The following ABHD18 variants were observed in gnomAD, a reference collection of about 807,000 sequenced individuals.
ABHD18 encodes abhydrolase domain containing 18.
In ABHD18, 55 loss-of-function variants were observed where a neutral mutation model predicts 65.9. The observed-to-expected ratio is 0.84, with a 90% CI of 0.67 to 1.05. ABHD18 has a LOEUF of 1.05. ABHD18 is among the 50% of genes least tolerant of loss of function. ABHD18 has a pLI of 0.00. For synonymous variants in ABHD18, 181 were observed against 180.2 expected (o/e 1.00, Z -0.04); for missense variants, 533 against 558.5 (o/e 0.95, Z 0.46).
chr4:127,985,610 TA>T (rs1042590554), intron 3 of ABHD18, among the ~76,000 whole-genome samples: 3 of 151,380 alleles, frequency 2.0e-5, no homozygotes, highest in Non-Finnish European at 4.4e-5. Context: ...CATACCAAGT[TA>T]AAAAAAAATC....
chr4:127,993,198 G>T (rs1025972437), intron 4 of ABHD18, among the ~76,000 whole-genome samples: 1 of 152,138 alleles, frequency 6.6e-6, no homozygotes, highest in Admixed American at 6.5e-5. Flanking sequence ...CTGGAACTAT[G>T]TGTCCCTTTC....
Position 127,986,280 on chromosome 4 carries a change from T to G in ABHD18, c.177+1857T>G, listed in dbSNP as rs1749939368. Among the ~76,000 whole-genome samples, 7 of 152,348 alleles carry G rather than the reference T, an allele frequency of 4.6e-5. 1 individual carries two copies. In the South Asian group the frequency reaches 1.4e-3, roughly 32 times the overall value. Reference sequence around the variant, plus strand: ...AAATGGAATCATGCAATATGTAACTTTTTTTGTCTGGCTTCTTCACTTAGC... The same window carrying G: ...AAATGGAATCATGCAATATGTAACTGTTTTTGTCTGGCTTCTTCACTTAGC... On this transcript the variant is annotated intron_variant, in intron 3 of 12. Coordinates refer to ENST00000645843, the MANE Select transcript of ABHD18 (RefSeq NM_001358451.3).
rs1579191379 is a variant in ABHD18, at chr4:127,984,371, G to A, written c.125G>A (p.Arg42Gln). Reference sequence around the variant, plus strand: ...GAATTCAGAAAGATGATTGGAAATCGGGAAAGATGCCAGAATCTGGTTTCA... The same window carrying A: ...GAATTCAGAAAGATGATTGGAAATCAGGAAAGATGCCAGAATCTGGTTTCA... ...LFEFRKMIGN[R>Q]ERCQNLVSSD... Residue 42 changes from arginine (R) to glutamine (Q), a missense_variant, in exon 3 of 13, where the codon CGG (arginine) becomes CAG (glutamine). Physicochemically the swap from Arg to Gln is conservative, Grantham distance 43 (BLOSUM62 1). This residue lies in a region of ABHD18 where 309 missense variants were observed against 313.5 expected (regional missense o/e 0.99). Coordinates refer to ENST00000645843, the MANE Select transcript of ABHD18 (RefSeq NM_001358451.3). 1.3e-6 allele frequency: 2 copies of A among 1,549,874 alleles called. No individual in the cohort carries two copies. The highest frequency in any genetic ancestry group is 1.4e-5 in the African/African-American group (1 of 73,040).
intron 4 of ABHD18, among the ~76,000 whole-genome samples, chr4:127,992,811 T>C (rs1751145917): frequency 6.6e-6 from 1 of 152,148 alleles, no homozygotes; most frequent in Non-Finnish European, 1.5e-5. Flanking sequence ...CCCAGAGTGC[T>C]GAGATTACAG....
At chr4:127,972,851 T>C (rs1010979014) in intron 1 of ABHD18, among the ~76,000 whole-genome samples, 1 of 152,220 alleles carries the variant, frequency 6.6e-6, no homozygotes, top group African/African-American at 2.4e-5. Context: ...GAAGTTAGTT[T>C]GCCTTTTACC....
At chr4:127,991,083 C>T (rs1016885125) in intron 4 of ABHD18, among the ~76,000 whole-genome samples, 1 of 152,108 alleles carries the variant, frequency 6.6e-6, no homozygotes, top group African/African-American at 2.4e-5. Context: ...AGGCTGTTCT[C>T]GACCTCCTGG....
intron 1 of ABHD18, among the ~76,000 whole-genome samples, chr4:127,967,276 A>G (rs965966244): frequency 6.6e-6 from 1 of 152,036 alleles, no homozygotes; most frequent in African/African-American, 2.4e-5. Flanking sequence ...CATGTGTACA[A>G]GGAAATGGAA....
chr4:127,966,122 A>G (rs945706485), intron 1 of ABHD18: 1 of 152,088 alleles, frequency 6.6e-6, no homozygotes, highest in Non-Finnish European at 1.5e-5. Flanking sequence ...TTTAGAAAAC[A>G]TGTCATGGGT....
At chr4:127,985,411 T>C (rs1358039343) in intron 3 of ABHD18, among the ~76,000 whole-genome samples, 1 of 152,138 alleles carries the variant, frequency 6.6e-6, no homozygotes, top group Non-Finnish European at 1.5e-5. Context: ...ATTTCTCTTT[T>C]CAAAAGAGTT....
chr4:128,039,441 T>C lies in ABHD18; in HGVS notation c.*3628T>C, dbSNP rs1210193809. The C allele has an allele frequency of 1.3e-5, 2 of 152,042 alleles. No homozygotes were observed. Among genetic ancestry groups the C allele is most frequent in the Non-Finnish European group, 2.9e-5 (2 of 67,998 alleles). 9.4% of individuals were successfully genotyped at this position (152,042 alleles called of 1,614,324 possible). A position where few individuals can be genotyped will look rare whatever the true frequency, so the allele number is the denominator to read the frequency against. On this transcript the variant is annotated 3_prime_UTR_variant, in exon 13 of 13. Transcript: ENST00000645843. ...CTTATATCAGACAACTTCTCTACTTTGTAGTTCCTGCTCAGCCCTGAAGAC... is the reference window on the plus strand; with the variant it reads ...CTTATATCAGACAACTTCTCTACTTCGTAGTTCCTGCTCAGCCCTGAAGAC...
chr4:127,993,826 A>G (rs1450369700), intron 4 of ABHD18, among the ~76,000 whole-genome samples: 2 of 151,734 alleles, frequency 1.3e-5, no homozygotes, highest in African/African-American at 4.9e-5. Context: ...CACAATGAAC[A>G]TCCTTATATA....
At chr4:127,990,865 A>C (rs927984998) in intron 4 of ABHD18, among the ~76,000 whole-genome samples, 1 of 151,940 alleles carries the variant, frequency 6.6e-6, no homozygotes, top group Non-Finnish European at 1.5e-5. Context: ...CAGTCTTGTT[A>C]ATGGTTTTTT....
rs1176825622 is a variant in ABHD18, at chr4:127,972,708, G to C, written c.-18+7102G>C. Among the ~76,000 whole-genome samples, 3 of 151,600 alleles carry C rather than the reference G, an allele frequency of 2.0e-5. No individual in the cohort carries two copies. In the East Asian group the frequency reaches 5.8e-4, roughly 29 times the overall value. Reference sequence around the variant, plus strand: ...GGCGTGAGCCACCGTGCCTGGCCCAGATATACTCTTTATTATTCCAGAGTG... The same window carrying C: ...GGCGTGAGCCACCGTGCCTGGCCCACATATACTCTTTATTATTCCAGAGTG... On this transcript the variant is annotated intron_variant, in intron 1 of 12. Coordinates refer to ENST00000645843, the MANE Select transcript of ABHD18 (RefSeq NM_001358451.3).
At chr4:127,973,861 C>T (rs1204291580) in intron 1 of ABHD18, among the ~76,000 whole-genome samples, 6 of 149,488 alleles carry the variant, frequency 4.0e-5, no homozygotes, top group African/African-American at 1.5e-4. Context: ...GCTCATAGTC[C>T]CACAGCCACA....
At chr4:128,031,166 T>C in intron 12 of ABHD18, 1 of 985,140 alleles carries the variant, frequency 1.0e-6, no homozygotes, top group Non-Finnish European at 1.2e-6. Flanking sequence ...ATAAAAACTT[T>C]TATGCTGGCT....
In ABHD18 at chr4:128,030,635, C is replaced by G; in HGVS notation, c.1306C>G (p.His436Asp). ...TGAAATCCGATACTTAGAAGGGGGT[C>G]ATATTAGTGCTTATCTTTTTAAACA... ...GCEIRYLEGG[H>D]ISAYLFKQGL... The change falls in exon 12 of 13, where the codon CAT becomes GAT. Residue 436 changes from histidine to aspartate, a missense_variant. His to Asp is a moderately conservative substitution (Grantham distance 81). Around this residue, in one of 3 missense-constraint regions of ABHD18, gnomAD observed 220 missense variants for 226.8 expected, o/e 0.97. Transcript: ENST00000645843. 1 of 1,601,354 alleles carries G rather than the reference C, an allele frequency of 6.2e-7. No homozygotes were observed. Among genetic ancestry groups the G allele is most frequent in the South Asian group, 1.1e-5 (1 of 88,122 alleles).
intron 7 of ABHD18, among the ~76,000 whole-genome samples, chr4:128,014,145 A>G (rs954040746): frequency 4.6e-5 from 7 of 151,728 alleles, no homozygotes; most frequent in African/African-American, 7.2e-5. Context: ...CACCACGCCC[A>G]GCTAATTTTG....
Position 128,001,846 on chromosome 4 carries a change from G to T in ABHD18, c.279-7074G>T, listed in dbSNP as rs11930692. 5.8e-3 allele frequency: 6,143 copies of T among 1,058,970 alleles called. 31 individuals are homozygous for T. The East Asian group carries it at 0.064, about 11-fold the overall frequency. The allele number at this position is 1,058,970 out of a possible 1,614,324, so 65.6% of individuals were successfully genotyped here. On this transcript the variant is annotated intron_variant, in intron 4 of 12. Transcript: ENST00000645843. ...TAGATGTTGAGTTTTGTTTTGTTTT[G>T]TTTTTTTTTTTAATTCCTTGTGCCT...
At chr4:127,970,759 T>C (rs1746611224) in intron 1 of ABHD18, among the ~76,000 whole-genome samples, 1 of 151,362 alleles carries the variant, frequency 6.6e-6, no homozygotes, top group African/African-American at 2.4e-5. Context: ...CTGGTCAACA[T>C]AGCAAGACCC....
Sources: gnomAD v4.1 joint callset for allele counts (sites outside exome capture counted in the v4.1 genomes callset) on GRCh38, gnomAD v4.1.1 for gene constraint, gnomAD v4.1.1 regional missense constraint, MANE v1.5 for transcripts, NCBI Gene and HGNC (gene_info 2026-07-23, HGNC 2026-07-21) for gene names.